The following MEIS2 variants were observed in gnomAD, a reference collection of about 807,000 sequenced individuals.
The protein encoded by MEIS2 is Meis homeobox 2, also known as homeobox protein Meis2.
In MEIS2, 9 loss-of-function variants were observed where a neutral mutation model predicts 58.6. The ratio of observed to expected loss-of-function variants is 0.15; its 90% CI spans 0.09 to 0.27. The LOEUF is 0.27. MEIS2 is among the 10% of genes least tolerant of loss of function. The pLI is 1.00. For synonymous variants in MEIS2, 221 were observed against 228.4 expected (o/e 0.97, Z 0.29); for missense variants, 427 against 635.0 (o/e 0.67, Z 3.52).
chr15:37,038,796 G>C (rs2062281086), intron 7 of MEIS2, among the ~76,000 whole-genome samples: 1 of 152,182 alleles, frequency 6.6e-6, no homozygotes, highest in Non-Finnish European at 1.5e-5. Context: ...GCACACCCAT[G>C]TACACCGGAG....
chr15:36,922,619 CTT>C (rs59227539), intron 9 of MEIS2, among the ~76,000 whole-genome samples: 17,322 of 126,726 alleles, frequency 0.14, 1,108 homozygotes, highest in South Asian at 0.31. Context: ...TTCTTTCTTT[CTT>C]TTTTTTTTTT....
chr15:36,955,897 G>A (rs2058944307), intron 8 of MEIS2, among the ~76,000 whole-genome samples: 3 of 151,708 alleles, frequency 2.0e-5, no homozygotes, highest in African/African-American at 7.3e-5. Context: ...AGATTTTGGG[G>A]CCGGGTGCGG....
intron 9 of MEIS2, among the ~76,000 whole-genome samples, chr15:36,912,819 C>T (rs1212073049): frequency 2.7e-5 from 4 of 148,504 alleles, no homozygotes; most frequent in African/African-American, 1.0e-4. Context: ...TTGCTACTCA[C>T]CCCCCACTCC....
intron 7 of MEIS2, among the ~76,000 whole-genome samples, chr15:37,047,505 C>T (rs150480175): frequency 0.012 from 1,798 of 152,260 alleles, 13 homozygotes; most frequent in Non-Finnish European, 0.02. Context: ...GCCCAGAATG[C>T]CCCTCTCAGG....
At chr15:36,952,597 GTC>G (rs147145504) in intron 8 of MEIS2, among the ~76,000 whole-genome samples, 15 of 107,304 alleles carry the variant, frequency 1.4e-4, no homozygotes, top group Non-Finnish European at 3.2e-4. Context: ...CTGTCTGTCT[GTC>G]TCTCTCTCTG....
intron 3 of MEIS2, 147 bp from the exon 4 acceptor site, chr15:37,095,761 A>G (rs1894145366): frequency 5.2e-6 from 6 of 1,153,248 alleles, no homozygotes; most frequent in Non-Finnish European, 7.5e-6. Context: ...GCCTTAAATT[A>G]GTGGAGTCCC....
intron 7 of MEIS2, among the ~76,000 whole-genome samples, chr15:37,079,752 G>C (rs1033077146): frequency 6.6e-6 from 1 of 152,092 alleles, no homozygotes; most frequent in African/African-American, 2.4e-5. Flanking sequence ...AAAATAGATG[G>C]GGACATCAAC....
At chr15:36,995,224 G>A (rs936604145) in intron 8 of MEIS2, among the ~76,000 whole-genome samples, 2 of 151,978 alleles carry the variant, frequency 1.3e-5, no homozygotes, top group African/African-American at 2.4e-5. Context: ...ATTATCTGGC[G>A]GTTTTATGTA....
At chr15:37,092,211 T>C (rs1189008237) in intron 6 of MEIS2, among the ~76,000 whole-genome samples, 1 of 152,358 alleles carries the variant, frequency 6.6e-6, no homozygotes. Flanking sequence ...TATCCCAGAC[T>C]GCGGTTTTCT....
chr15:36,901,702 T>A (rs2056483168), intron 9 of MEIS2, among the ~76,000 whole-genome samples: 1 of 152,236 alleles, frequency 6.6e-6, no homozygotes, highest in Admixed American at 6.5e-5. Context: ...AAACATGATG[T>A]TAATCTGGAA....
intron 7 of MEIS2, among the ~76,000 whole-genome samples, chr15:37,040,487 A>C (rs1458281267): frequency 2.0e-5 from 3 of 152,176 alleles, no homozygotes. Flanking sequence ...ACGTATGTGC[A>C]CACAGTAACT....
At chr15:36,935,091 T>C (rs1050783403) in intron 9 of MEIS2, among the ~76,000 whole-genome samples, 3 of 152,180 alleles carry the variant, frequency 2.0e-5, no homozygotes, top group African/African-American at 7.2e-5. Flanking sequence ...AGATTCAGTA[T>C]GGTAGTGGGA....
chr15:36,908,772 T>C (rs558389644), intron 9 of MEIS2, among the ~76,000 whole-genome samples: 1 of 152,034 alleles, frequency 6.6e-6, no homozygotes, highest in East Asian at 1.9e-4. Context: ...CCGTCTCTAC[T>C]AAAAATACAA....
At chr15:37,035,764 C>T (rs2062124679) in intron 8 of MEIS2, among the ~76,000 whole-genome samples, 1 of 152,154 alleles carries the variant, frequency 6.6e-6, no homozygotes, top group African/African-American at 2.4e-5. Flanking sequence ...CACCCCTTGC[C>T]CTTTGTAGCT....
chr15:36,943,904 C>G (rs965137489), intron 9 of MEIS2, among the ~76,000 whole-genome samples: 1 of 151,938 alleles, frequency 6.6e-6, no homozygotes, highest in Admixed American at 6.6e-5. Flanking sequence ...TTAAAAGGCT[C>G]TTGCTGAGTC....
chr15:37,067,304 G>A (rs1890083422), intron 7 of MEIS2, among the ~76,000 whole-genome samples: 1 of 152,000 alleles, frequency 6.6e-6, no homozygotes, highest in Non-Finnish European at 1.5e-5. Context: ...TGTCCAGACT[G>A]CAGTAACTAA....
chr15:37,013,439 G>T (rs2061234018), intron 8 of MEIS2, among the ~76,000 whole-genome samples: 1 of 151,804 alleles, frequency 6.6e-6, no homozygotes, highest in South Asian at 2.1e-4. Context: ...GGGCATGGTG[G>T]TGGGCGCCTG....
intron 9 of MEIS2, among the ~76,000 whole-genome samples, chr15:36,942,862 A>C (rs902481483): frequency 3.9e-5 from 6 of 152,070 alleles, no homozygotes; most frequent in African/African-American, 1.4e-4. Context: ...AGAGTAAAAA[A>C]ATTAGAGAAA....
chr15:36,959,723 G>T lies in MEIS2; in HGVS notation c.901-9323C>A, dbSNP rs567798735. On this transcript the variant is annotated intron_variant, in intron 8 of 11. Coordinates refer to ENST00000561208, the MANE Select transcript of MEIS2 (RefSeq NM_170675.5). ...CTTTATACATGTAAAGAACTGGGAA[G>T]AAATGGCAAATCCAGATGGTGACAA... 1.8e-4 allele frequency among the ~76,000 whole-genome samples: 28 copies of T among 152,248 alleles called. No homozygotes were observed. The South Asian group carries it at 5.8e-3, about 32-fold the overall frequency.
Sources: allele counts gnomAD v4.1 joint callset (sites outside exome capture counted in the v4.1 genomes callset), GRCh38; gene constraint gnomAD v4.1.1; transcripts MANE v1.5; gene names NCBI Gene and HGNC (gene_info 2026-07-23, HGNC 2026-07-21).